GABRB1: variants seen among roughly 807,000 people sequenced by gnomAD.
The protein encoded by GABRB1 is gamma-aminobutyric acid type A receptor subunit beta1, also known as gamma-aminobutyric acid receptor subunit beta-1.
In GABRB1, 17 loss-of-function variants were observed where a neutral mutation model predicts 51.6. The observed-to-expected ratio is 0.33, with a 90% CI of 0.23 to 0.49. GABRB1 has a LOEUF of 0.49. Ranked by LOEUF, GABRB1 falls within the 20% of genes least tolerant of loss-of-function variation. GABRB1 has a pLI of 0.99. For missense variants in GABRB1, 410 were observed against 600.6 expected (o/e 0.68, Z 3.32); for synonymous variants, 247 against 218.9 (o/e 1.13, Z -1.14).
At chr4:47,335,674 A>G (rs566317877) in intron 5 of GABRB1, among the ~76,000 whole-genome samples, 13 of 152,316 alleles carry the variant, frequency 8.5e-5, no homozygotes, top group African/African-American at 2.9e-4. Flanking sequence ...TTTACTTTGC[A>G]GAGAATTTCA....
chr4:47,388,483 G>A (rs951598580), intron 5 of GABRB1, among the ~76,000 whole-genome samples: 1 of 152,120 alleles, frequency 6.6e-6, no homozygotes, highest in Non-Finnish European at 1.5e-5. Flanking sequence ...GGAAGTAATG[G>A]GGCTTTCCAG....
chr4:47,273,235 A>G (rs1432163873), intron 4 of GABRB1, among the ~76,000 whole-genome samples: 1 of 152,196 alleles, frequency 6.6e-6, no homozygotes, highest in Admixed American at 6.6e-5. Flanking sequence ...AAATCCTCCC[A>G]GGCAGCTACC....
chr4:47,356,393 A>T (rs1416130572), intron 5 of GABRB1, among the ~76,000 whole-genome samples: 2 of 152,216 alleles, frequency 1.3e-5, no homozygotes, highest in Non-Finnish European at 2.9e-5. Flanking sequence ...TTACAAAAGC[A>T]TTCTCTGTTC....
intron 5 of GABRB1, among the ~76,000 whole-genome samples, chr4:47,393,466 C>G (rs1430995701): frequency 6.6e-6 from 1 of 151,974 alleles, no homozygotes; most frequent in Non-Finnish European, 1.5e-5. Context: ...AGTCTACCTA[C>G]AGCTCTCCCT....
chr4:47,203,566 T>C (rs760861213), intron 4 of GABRB1, among the ~76,000 whole-genome samples: 5 of 152,082 alleles, frequency 3.3e-5, no homozygotes, highest in East Asian at 1.9e-4. Flanking sequence ...ATAAAGAGGA[T>C]AGAAATACCT....
At chr4:47,319,254 G>C (rs1182809149) in intron 4 of GABRB1, among the ~76,000 whole-genome samples, 1 of 151,834 alleles carries the variant, frequency 6.6e-6, no homozygotes, top group Non-Finnish European at 1.5e-5. Context: ...TACTGTATAA[G>C]TGTGTATATA....
intron 3 of GABRB1, among the ~76,000 whole-genome samples, chr4:47,158,410 TTTACTC>T (rs1717790995): frequency 6.6e-6 from 1 of 152,082 alleles, no homozygotes; most frequent in Non-Finnish European, 1.5e-5. Context: ...TGTGGTAAAA[TTTACTC>T]TTACCAATTT....
chr4:47,151,894 G>A (rs768096045), intron 3 of GABRB1, among the ~76,000 whole-genome samples: 1 of 151,888 alleles, frequency 6.6e-6, no homozygotes, highest in Admixed American at 6.6e-5. Flanking sequence ...AGTACAAGTA[G>A]CCTTATACTA....
chr4:47,012,168 T>C (rs967178511), intron 1 of GABRB1, among the ~76,000 whole-genome samples: 2 of 152,214 alleles, frequency 1.3e-5, no homozygotes, highest in Non-Finnish European at 1.5e-5. Flanking sequence ...TATTTTTTGT[T>C]TTAAATATTT....
chr4:47,266,826 T>C (rs1389776968), intron 4 of GABRB1, among the ~76,000 whole-genome samples: 1 of 152,144 alleles, frequency 6.6e-6, no homozygotes, highest in Admixed American at 6.6e-5. Flanking sequence ...ATGTTCAGTG[T>C]TTCTTTGCTG....
chr4:47,246,005 G>A (rs993573193), intron 4 of GABRB1, among the ~76,000 whole-genome samples: 1 of 148,144 alleles, frequency 6.8e-6, no homozygotes, highest in African/African-American at 2.5e-5. Context: ...AGATTTCGGT[G>A]CACCCATCAT....
At chr4:47,277,324 C>G (rs1723120787) in intron 4 of GABRB1, among the ~76,000 whole-genome samples, 1 of 151,902 alleles carries the variant, frequency 6.6e-6, no homozygotes, top group African/African-American at 2.4e-5. Flanking sequence ...CATTTGAACT[C>G]ATGGACATAG....
At chr4:47,163,702 A>C (rs2109742005) in intron 4 of GABRB1, among the ~76,000 whole-genome samples, 1 of 152,162 alleles carries the variant, frequency 6.6e-6, no homozygotes, top group Admixed American at 6.6e-5. Flanking sequence ...TTTAAAGAAA[A>C]AAGAAACTTT....
chr4:47,256,395 T>TA (rs1722199094), intron 4 of GABRB1, among the ~76,000 whole-genome samples: 1 of 152,306 alleles, frequency 6.6e-6, no homozygotes, highest in East Asian at 1.9e-4. Flanking sequence ...TTCCATTTGA[T>TA]AAAAAATCCC....
intron 3 of GABRB1, among the ~76,000 whole-genome samples, chr4:47,091,595 A>T (rs1303250747): frequency 2.6e-5 from 4 of 152,102 alleles, no homozygotes; most frequent in Admixed American, 2.6e-4. Context: ...AAGCCACCCC[A>T]GAAGTTGCTC....
At chr4:47,014,580 A>G (rs1383116217) in intron 1 of GABRB1, among the ~76,000 whole-genome samples, 1 of 152,136 alleles carries the variant, frequency 6.6e-6, no homozygotes, top group South Asian at 2.1e-4. Flanking sequence ...TTGGACATCA[A>G]CTGGGTGTCC....
intron 3 of GABRB1, among the ~76,000 whole-genome samples, chr4:47,091,570 T>G (rs749387998): frequency 4.3e-4 from 65 of 152,148 alleles, no homozygotes; most frequent in Non-Finnish European, 8.7e-4. Flanking sequence ...CCATTCATTC[T>G]GTTCCTCCAG....
intron 4 of GABRB1, among the ~76,000 whole-genome samples, chr4:47,230,884 T>G (rs1721117757): frequency 6.6e-6 from 1 of 152,144 alleles, no homozygotes; most frequent in Non-Finnish European, 1.5e-5. Flanking sequence ...AGAAACACCT[T>G]CTGCACACCC....
chr4:47,412,952 C>G (rs1728806377), intron 8 of GABRB1, among the ~76,000 whole-genome samples: 1 of 152,174 alleles, frequency 6.6e-6, no homozygotes, highest in African/African-American at 2.4e-5. Context: ...CAAGTTGGTT[C>G]TCTACCTGGC....
Sources: allele counts gnomAD v4.1 joint callset (sites outside exome capture counted in the v4.1 genomes callset), GRCh38; gene constraint gnomAD v4.1.1; transcripts MANE v1.5; gene names NCBI Gene and HGNC (gene_info 2026-07-23, HGNC 2026-07-21).